The following ZNF721 variants were observed in gnomAD, a reference collection of about 807,000 sequenced individuals.
ZNF721 encodes zinc finger protein 721.
ZNF721 carries 2 observed loss-of-function variants against 2.4 expected under a neutral mutation model. The ratio of observed to expected loss-of-function variants is 0.82; its 90% CI spans 0.34 to 2.58. The LOEUF (loss-of-function observed/expected upper bound fraction) is 2.58, where lower values mean the gene tolerates loss of function less well. Ranked by LOEUF, ZNF721 falls within the 30% of genes most tolerant of loss-of-function variation. ZNF721 has a pLI of 0.11. For synonymous variants in ZNF721, 398 were observed against 381.8 expected (o/e 1.04, Z -0.50); for missense variants, 1,187 against 1,085.5 (o/e 1.09, Z -1.31).
chr4:484,808 C>T (rs1715852602), intron 1 of ZNF721, among the ~76,000 whole-genome samples: 1 of 152,212 alleles, frequency 6.6e-6, no homozygotes, highest in Non-Finnish European at 1.5e-5. Context: ...GTGATCTCGC[C>T]CTGCCTCCAC....
intron 1 of ZNF721, among the ~76,000 whole-genome samples, chr4:498,415 G>T (rs1553873139): frequency 1.3e-5 from 2 of 152,086 alleles, no homozygotes; most frequent in Non-Finnish European, 2.9e-5. Flanking sequence ...ACTTTGAATA[G>T]AATGGGAGGC....
At chr4:457,575 T>C (rs576865062) in intron 2 of ZNF721, among the ~76,000 whole-genome samples, 1 of 152,354 alleles carries the variant, frequency 6.6e-6, no homozygotes, top group South Asian at 2.1e-4. Flanking sequence ...AAGTTGGTTC[T>C]ATCTGTGATC....
At chr4:488,307 A>G (rs1715945330) in intron 1 of ZNF721, among the ~76,000 whole-genome samples, 1 of 152,196 alleles carries the variant, frequency 6.6e-6, no homozygotes, top group Non-Finnish European at 1.5e-5. Context: ...GTGCAGGTAC[A>G]TGTGGATGTA....
intron 2 of ZNF721, among the ~76,000 whole-genome samples, chr4:453,040 G>T (rs782333847): frequency 6.6e-6 from 1 of 152,174 alleles, no homozygotes; most frequent in Non-Finnish European, 1.5e-5. Flanking sequence ...CATCCAATGG[G>T]ACAAATCCTT....
chr4:489,906 T>G (rs553522873), intron 1 of ZNF721, among the ~76,000 whole-genome samples: 5 of 152,102 alleles, frequency 3.3e-5, no homozygotes, highest in African/African-American at 1.2e-4. Flanking sequence ...TGTCGCCAGG[T>G]TGGAGTGCAG....
At chr4:478,437 C>T (rs1239958615) in intron 1 of ZNF721, among the ~76,000 whole-genome samples, 1 of 152,100 alleles carries the variant, frequency 6.6e-6, no homozygotes, top group Non-Finnish European at 1.5e-5. Context: ...TGATCTTGAA[C>T]TGTTTGCCTC....
chr4:499,124 G>A lies in ZNF721; in HGVS notation c.-162C>T, dbSNP rs772871997. On this transcript the variant is annotated 5_prime_UTR_variant, in exon 1 of 3. Transcript: ENST00000511833. Reference sequence around the variant, plus strand: ...CCCCACGGAGCCGGGAACACCGCCCGCTGTTCGTATGTCCGAGGTGACGCC... The same window carrying A: ...CCCCACGGAGCCGGGAACACCGCCCACTGTTCGTATGTCCGAGGTGACGCC... 14 of 575,994 alleles carry A rather than the reference G, an allele frequency of 2.4e-5. No individual in the cohort carries two copies. The highest frequency in any genetic ancestry group is 3.2e-5 in the East Asian group (1 of 31,354). The allele number at this position is 575,994 out of a possible 1,614,324, so 35.7% of individuals were successfully genotyped here.
intron 1 of ZNF721, among the ~76,000 whole-genome samples, chr4:473,685 C>A (rs1423553621): frequency 6.6e-6 from 1 of 152,198 alleles, no homozygotes; most frequent in African/African-American, 2.4e-5. Flanking sequence ...TCCTCCTACG[C>A]GGTACCTGCG....
At position 440,144 on chromosome 4, in the gene ZNF721, A is replaced by C. The variant is rs1483802289; in HGVS notation, c.*1551T>G. ...TTCAGATTCTCTCTCAGTATAACGC[A>C]AAGTATTACTCTGAACACCTACTTC... On this transcript the variant is annotated 3_prime_UTR_variant, in exon 3 of 3. Coordinates refer to ENST00000511833, the MANE Select transcript of ZNF721 (RefSeq NM_133474.4). The C allele has an allele frequency of 6.6e-6, 1 of 152,186 alleles. No individual in the cohort carries two copies. The highest frequency in any genetic ancestry group is 2.4e-5 in the African/African-American group (1 of 41,454). The allele number at this position is 152,186 out of a possible 1,614,324, so 9.4% of individuals were successfully genotyped here. A position where few individuals can be genotyped will look rare whatever the true frequency, so the allele number is the denominator to read the frequency against.
intron 1 of ZNF721, among the ~76,000 whole-genome samples, chr4:489,731 A>G (rs1715977602): frequency 6.6e-6 from 1 of 152,240 alleles, no homozygotes; most frequent in African/African-American, 2.4e-5. Context: ...GGAGGAATGT[A>G]GCTGGTTTGA....
rs1265130247 is a variant in ZNF721, at chr4:474,442, G to C, written c.-93-1741C>G. ...ATTTATAAATTGTGCACGCGCGCGC[G>C]CACACACACAGACACACTTGTTCAC... On this transcript the variant is annotated intron_variant, in intron 1 of 2. Transcript: ENST00000511833. 2.0e-5 allele frequency among the ~76,000 whole-genome samples: 3 copies of C among 152,096 alleles called. No homozygotes were observed. In the East Asian group the frequency reaches 5.8e-4, roughly 29 times the overall value.
intron 2 of ZNF721, among the ~76,000 whole-genome samples, chr4:460,422 T>A (rs1276289287): frequency 2.0e-5 from 3 of 152,054 alleles, no homozygotes; most frequent in Non-Finnish European, 2.9e-5. Context: ...GAATCTCTGG[T>A]ACACAGCCAA....
chr4:464,142 A>G (rs1357493325), intron 2 of ZNF721, among the ~76,000 whole-genome samples: 1 of 152,086 alleles, frequency 6.6e-6, no homozygotes, highest in Non-Finnish European at 1.5e-5. Context: ...TAACAAGGAG[A>G]CTCAATTATA....
chr4:498,031 C>G (rs1374347443), intron 1 of ZNF721, among the ~76,000 whole-genome samples: 1 of 151,666 alleles, frequency 6.6e-6, no homozygotes, highest in Non-Finnish European at 1.5e-5. Flanking sequence ...ATGGTGAAAC[C>G]CCGTCTCAAC....
At chr4:479,660 C>A (rs76436421) in intron 1 of ZNF721, among the ~76,000 whole-genome samples, 2 of 152,122 alleles carry the variant, frequency 1.3e-5, no homozygotes, top group African/African-American at 4.8e-5. Flanking sequence ...GAGGCTGGGG[C>A]CTACACCGGA....
At chr4:457,461 A>G (rs1297611684) in intron 2 of ZNF721, among the ~76,000 whole-genome samples, 2 of 152,220 alleles carry the variant, frequency 1.3e-5, no homozygotes, top group African/African-American at 4.8e-5. Flanking sequence ...TCCAATTTTC[A>G]TTGTAGACTT....
intron 2 of ZNF721, among the ~76,000 whole-genome samples, chr4:467,086 G>A (rs1391162423): frequency 6.6e-6 from 1 of 152,124 alleles, no homozygotes; most frequent in Non-Finnish European, 1.5e-5. Context: ...GCCGGGCGTG[G>A]TGGCAGGTAC....
Position 441,731 on chromosome 4 carries a change from C to T in ZNF721, c.2736G>A (p.Lys912=), listed in dbSNP as rs782682853. Residue 912 remains lysine, a synonymous_variant, in exon 3 of 3, where the codon AAG becomes AAA. Coordinates refer to ENST00000511833, the MANE Select transcript of ZNF721 (RefSeq NM_133474.4). The part of the protein sequence containing the change: ...FRQSANLYAH[K]KIHTGDKTIQ... ...TGGTTTTATCTCCAGTATGAATTTTCTTATGTGCATAAAGATTTGCAGACT... is the reference window on the plus strand; with the variant it reads ...TGGTTTTATCTCCAGTATGAATTTTTTTATGTGCATAAAGATTTGCAGACT... 3 of 1,612,674 alleles carry T rather than the reference C, an allele frequency of 1.9e-6. No individual in the cohort carries two copies. In the Admixed American group the frequency reaches 5.0e-5, roughly 27 times the overall value.
At chr4:462,011 A>G (rs561913821) in intron 2 of ZNF721, among the ~76,000 whole-genome samples, 2 of 152,332 alleles carry the variant, frequency 1.3e-5, no homozygotes, top group African/African-American at 4.8e-5. Flanking sequence ...AGAAAACCCA[A>G]TCGTCTCAGC....
Sources: gnomAD v4.1 joint callset for allele counts (sites outside exome capture counted in the v4.1 genomes callset) on GRCh38, gnomAD v4.1.1 for gene constraint, MANE v1.5 for transcripts, NCBI Gene and HGNC (gene_info 2026-07-23, HGNC 2026-07-21) for gene names.